The following PLCXD3 variants were observed in gnomAD, a reference collection of about 807,000 sequenced individuals.
PLCXD3 encodes the protein phosphatidylinositol specific phospholipase C X domain containing 3, also known as PI-PLC X domain-containing protein 3.
A neutral mutation model predicts 25.5 loss-of-function variants in PLCXD3; 19 were observed. That is an observed-to-expected ratio of 0.75 (90% CI 0.52 to 1.09). The LOEUF is 1.09. Ranked by LOEUF, PLCXD3 falls within the 50% of genes least tolerant of loss-of-function variation. The probability of loss-of-function intolerance (pLI) is 0.00; values close to 1 mark genes in which losing one functional copy is unlikely to be tolerated. For synonymous variants in PLCXD3, 174 were observed against 137.6 expected, an observed-to-expected ratio of 1.26 and a Z score of -1.85; for missense variants, 411 against 388.1, an observed-to-expected ratio of 1.06 and a Z score of -0.50.
Position 41,417,652 on chromosome 5 carries a change from T to A in PLCXD3, c.104-35118A>T, listed in dbSNP as rs1379341262. ...CTGATTAACAGCTAATTATTGCAAA[T>A]GAGTTTACTGACCTTTTCCCTGATG... is the stretch of plus-strand genomic sequence containing the variant. On this transcript the variant is annotated intron_variant, in intron 1 of 2. Transcript: ENST00000377801. Among the ~76,000 whole-genome samples the A allele has an allele frequency of 2.6e-5, 4 of 152,294 alleles. No homozygotes were observed. The East Asian group carries it at 7.7e-4, about 29-fold the overall frequency.
intron 2 of PLCXD3, among the ~76,000 whole-genome samples, chr5:41,365,734 C>T (rs223080): frequency 0.92 from 139,487 of 152,190 alleles, 64,354 homozygotes; most frequent in African/African-American, 0.96. Context: ...TAGTATCAAG[C>T]GGATTATATT....
intron 2 of PLCXD3, among the ~76,000 whole-genome samples, chr5:41,313,979 T>G (rs945500579): frequency 6.6e-6 from 1 of 152,204 alleles, no homozygotes; most frequent in South Asian, 2.1e-4. Context: ...TTGATCCGTA[T>G]TGGAGTTCTC....
chr5:41,358,927 G>T (rs1043681183), intron 2 of PLCXD3, among the ~76,000 whole-genome samples: 6 of 152,034 alleles, frequency 3.9e-5, no homozygotes, highest in Non-Finnish European at 7.4e-5. Context: ...CAATCATAAG[G>T]GATGCTGGAT....
intron 2 of PLCXD3, among the ~76,000 whole-genome samples, chr5:41,320,292 A>C (rs1365014009): frequency 6.6e-6 from 1 of 152,166 alleles, no homozygotes; most frequent in Non-Finnish European, 1.5e-5. Flanking sequence ...ACAAAACCAA[A>C]GACACACCTA....
intron 1 of PLCXD3, among the ~76,000 whole-genome samples, chr5:41,446,007 G>A (rs1257247884): frequency 1.3e-5 from 2 of 151,332 alleles, no homozygotes; most frequent in Middle Eastern, 6.4e-3. Flanking sequence ...CTAACATGGT[G>A]AAACCCCGTG....
chr5:41,483,464 T>C (rs1281733570), intron 1 of PLCXD3, among the ~76,000 whole-genome samples: 1 of 152,194 alleles, frequency 6.6e-6, no homozygotes, highest in East Asian at 1.9e-4. Context: ...TAAAAGGTTG[T>C]CGCTGTAAAA....
chr5:41,465,506 T>C (rs1406552001), intron 1 of PLCXD3, among the ~76,000 whole-genome samples: 1 of 151,818 alleles, frequency 6.6e-6, no homozygotes, highest in African/African-American at 2.4e-5. Context: ...TGGAAGATAA[T>C]TCAGCATGTG....
chr5:41,500,297 C>T (rs1335628182), intron 1 of PLCXD3, among the ~76,000 whole-genome samples: 1 of 151,766 alleles, frequency 6.6e-6, no homozygotes, highest in African/African-American at 2.4e-5. Context: ...GTAGAGGTCA[C>T]ATTATCGTAA....
intron 2 of PLCXD3, among the ~76,000 whole-genome samples, chr5:41,343,887 T>C (rs1033684821): frequency 6.6e-6 from 1 of 152,136 alleles, no homozygotes; most frequent in East Asian, 1.9e-4. Context: ...TTAAGCACAA[T>C]TGGATGATTT....
rs1743923025 is a variant in PLCXD3, at chr5:41,334,466, T to A, written c.813-20696A>T. ...CACCAAAAATATTGGGCACAGGAAC[T>A]GACCAAGCCTCACCCTCATCCTAAC... is the stretch of plus-strand genomic sequence containing the variant. On this transcript the variant is annotated intron_variant, in intron 2 of 2. Coordinates refer to ENST00000377801, the MANE Select transcript of PLCXD3 (RefSeq NM_001005473.3). Among the ~76,000 whole-genome samples the A allele has an allele frequency of 2.0e-5, 3 of 152,282 alleles. No homozygotes were observed. The South Asian group carries it at 6.2e-4, about 32-fold the overall frequency.
chr5:41,462,245 T>C (rs915879336), intron 1 of PLCXD3, among the ~76,000 whole-genome samples: 20 of 152,024 alleles, frequency 1.3e-4, no homozygotes, highest in Non-Finnish European at 4.4e-5. Flanking sequence ...CCTAAAAACA[T>C]AGCTAACATT....
At chr5:41,504,358 T>C (rs780466146) in intron 1 of PLCXD3, among the ~76,000 whole-genome samples, 11 of 152,196 alleles carry the variant, frequency 7.2e-5, no homozygotes, top group Non-Finnish European at 1.6e-4. Flanking sequence ...ATAAAATTTG[T>C]CCCACATATT....
chr5:41,380,399 C>A (rs1745420375), intron 2 of PLCXD3, among the ~76,000 whole-genome samples: 1 of 152,028 alleles, frequency 6.6e-6, no homozygotes, highest in South Asian at 2.1e-4. Flanking sequence ...CAGTTCTAAG[C>A]ACCTATTAAC....
intron 1 of PLCXD3, among the ~76,000 whole-genome samples, chr5:41,393,516 A>G (rs1745901380): frequency 6.6e-6 from 1 of 152,290 alleles, no homozygotes; most frequent in African/African-American, 2.4e-5. Flanking sequence ...CAAACAAACA[A>G]AAGGTGAAAT....
chr5:41,314,966 T>G (rs1247537493), intron 2 of PLCXD3, among the ~76,000 whole-genome samples: 2 of 152,106 alleles, frequency 1.3e-5, no homozygotes, highest in Non-Finnish European at 2.9e-5. Flanking sequence ...CTTGCTAAAA[T>G]AAATATTGAA....
In PLCXD3 at chr5:41,410,297, G is replaced by A. The variant is rs185544804; in HGVS notation, c.104-27763C>T. Among the ~76,000 whole-genome samples, 217 of 151,580 alleles carry A rather than the reference G, an allele frequency of 1.4e-3. 1 individual carries two copies. The highest frequency in any genetic ancestry group is 0.012 in the Admixed American group (182 of 15,242). On this transcript the variant is annotated intron_variant, in intron 1 of 2. Transcript: ENST00000377801. ...TGGGACTACAGGCGTGCGCCCCCAC[G>A]CCTGGCTAATTTTTTTTTTGTATTT...
At chr5:41,471,804 TC>T (rs1385052881) in intron 1 of PLCXD3, among the ~76,000 whole-genome samples, 249 of 10,526 alleles carry the variant, frequency 0.024, 42 homozygotes, top group African/African-American at 0.036. Context: ...TCCCTTCCCT[TC>T]CCCTCCCCTC....
intron 1 of PLCXD3, among the ~76,000 whole-genome samples, chr5:41,477,987 T>C (rs575379066): frequency 6.6e-6 from 1 of 152,322 alleles, no homozygotes; most frequent in South Asian, 2.1e-4. Flanking sequence ...ATATACTGTC[T>C]AGGAGTAGGG....
intron 1 of PLCXD3, among the ~76,000 whole-genome samples, chr5:41,403,401 G>GTTTT (rs769067580): frequency 5.4e-5 from 1 of 18,412 alleles, no homozygotes; most frequent in African/African-American, 1.8e-4. Context: ...CTTATTTGTT[G>GTTTT]TTTTTTTTTT....
Sources: allele counts gnomAD v4.1 joint callset (sites outside exome capture counted in the v4.1 genomes callset), GRCh38; gene constraint gnomAD v4.1.1; transcripts MANE v1.5; gene names NCBI Gene and HGNC (gene_info 2026-07-23, HGNC 2026-07-21).